GALNTL5: variants seen among roughly 807,000 people sequenced by gnomAD.
GALNTL5 encodes polypeptide N-acetylgalactosaminyltransferase like 5.
Under a neutral mutation model 51.0 loss-of-function variants are expected in GALNTL5, and 44 were observed. That is an observed-to-expected ratio of 0.86 (90% CI 0.68 to 1.11). The LOEUF (loss-of-function observed/expected upper bound fraction) is 1.11, where lower values mean the gene tolerates loss of function less well. GALNTL5 is among the 50% of genes least tolerant of loss of function. The probability of loss-of-function intolerance (pLI) is 0.00; values close to 1 mark genes in which losing one functional copy is unlikely to be tolerated. For missense variants in GALNTL5, 528 were observed against 531.8 expected (o/e 0.99, Z 0.07); for synonymous variants, 192 against 182.8 (o/e 1.05, Z -0.41).
intron 8 of GALNTL5, among the ~76,000 whole-genome samples, chr7:152,018,912 A>G (rs896295589): frequency 1.3e-5 from 2 of 152,208 alleles, no homozygotes; most frequent in African/African-American, 4.8e-5. Context: ...GGCCTGGGAA[A>G]ACACAGATGA....
intron 8 of GALNTL5, among the ~76,000 whole-genome samples, chr7:152,016,837 C>A (rs1350096429): frequency 6.6e-6 from 1 of 151,900 alleles, no homozygotes; most frequent in Non-Finnish European, 1.5e-5. Context: ...GAGTTCAAGA[C>A]CAGCCTGGCC....
At chr7:152,003,180 A>G (rs949736635) in intron 6 of GALNTL5, among the ~76,000 whole-genome samples, 2 of 152,234 alleles carry the variant, frequency 1.3e-5, no homozygotes. Context: ...CATATCATCT[A>G]TAACTCTTTG....
intron 3 of GALNTL5, among the ~76,000 whole-genome samples, chr7:151,974,539 T>C (rs1365482656): frequency 6.6e-6 from 1 of 152,204 alleles, no homozygotes; most frequent in East Asian, 1.9e-4. Context: ...GCCACAAATA[T>C]CACTCATGAT....
intron 1 of GALNTL5, among the ~76,000 whole-genome samples, chr7:151,966,094 A>G (rs1357303157): frequency 6.6e-6 from 1 of 152,050 alleles, no homozygotes; most frequent in Non-Finnish European, 1.5e-5. Context: ...TGTTTTCCAA[A>G]TTTATATCAC....
At chr7:151,979,004 C>A (rs749986309) in intron 3 of GALNTL5, among the ~76,000 whole-genome samples, 1 of 151,866 alleles carries the variant, frequency 6.6e-6, no homozygotes, top group Non-Finnish European at 1.5e-5. Context: ...CTGCTTTGTA[C>A]TGAACTATTA....
rs200334861 is a variant in GALNTL5 at position 152,004,825 on chromosome 7, TACC to T, written c.908+1865_908+1867del. On this transcript the variant is annotated intron_variant, in intron 6 of 8. Coordinates refer to ENST00000392800, the MANE Select transcript of GALNTL5 (RefSeq NM_145292.4). ...TGAATAGTATTCCATTGTGTATATATACCACATTTTCTTTATCCAGTCTTCCAC... is the reference window on the plus strand; with the variant it reads ...TGAATAGTATTCCATTGTGTATATATACATTTTCTTTATCCAGTCTTCCAC... Among the ~76,000 whole-genome samples the T allele has an allele frequency of 8.6e-3, 1,317 of 152,354 alleles. 14 individuals carry two copies. Among genetic ancestry groups the T allele is most frequent in the African/African-American group, 0.03 (1,256 of 41,582 alleles).
intron 8 of GALNTL5, among the ~76,000 whole-genome samples, chr7:152,015,299 C>T (rs768270293): frequency 6.6e-6 from 1 of 151,836 alleles, no homozygotes. Context: ...TTCCCACCTC[C>T]AGGGAATTGT....
intron 1 of GALNTL5, chr7:151,960,407 T>TGGCTTA (rs2080977051): frequency 6.6e-6 from 1 of 152,164 alleles, no homozygotes; most frequent in Non-Finnish European, 1.5e-5. Flanking sequence ...GCCTGGAGGG[T>TGGCTTA]GGCTTAGCCC....
At chr7:151,957,403 G>T (rs1267975544) in intron 1 of GALNTL5, among the ~76,000 whole-genome samples, 1 of 148,250 alleles carries the variant, frequency 6.7e-6, no homozygotes, top group Non-Finnish European at 1.5e-5. Context: ...AAAAAAAACA[G>T]GCGTGGTGGC....
intron 7 of GALNTL5, among the ~76,000 whole-genome samples, chr7:152,012,931 C>A (rs1223912076): frequency 6.6e-6 from 1 of 151,922 alleles, no homozygotes; most frequent in East Asian, 1.9e-4. Context: ...GAGCAAGACT[C>A]AGTCTCAAAA....
At chr7:151,958,704 G>A (rs1299909410) in intron 1 of GALNTL5, among the ~76,000 whole-genome samples, 1 of 152,208 alleles carries the variant, frequency 6.6e-6, no homozygotes, top group Non-Finnish European at 1.5e-5. Flanking sequence ...CTGGCAGAAG[G>A]TGGGAAGGTT....
At chr7:151,999,636 C>T (rs1017670142) in intron 5 of GALNTL5, among the ~76,000 whole-genome samples, 1 of 152,080 alleles carries the variant, frequency 6.6e-6, no homozygotes, top group Non-Finnish European at 1.5e-5. Context: ...TGCTTGCTAG[C>T]CATTCGTACA....
At chr7:151,991,639 T>C (rs916573843) in intron 5 of GALNTL5, among the ~76,000 whole-genome samples, 1 of 152,218 alleles carries the variant, frequency 6.6e-6, no homozygotes, top group Non-Finnish European at 1.5e-5. Context: ...CCAGCATCTC[T>C]CTTCTGCTCT....
chr7:151,963,649 C>T (rs1220403542), intron 1 of GALNTL5, among the ~76,000 whole-genome samples: 6 of 152,148 alleles, frequency 3.9e-5, no homozygotes, highest in South Asian at 2.1e-4. Flanking sequence ...CCGCCCACCT[C>T]GGCCTCTGGA....
intron 5 of GALNTL5, among the ~76,000 whole-genome samples, chr7:151,996,115 T>C (rs1276311196): frequency 2.0e-5 from 3 of 152,240 alleles, no homozygotes; most frequent in African/African-American, 7.2e-5. Context: ...GAAATGCTTA[T>C]GTATTTTACA....
chr7:152,008,788 C>T (rs936355275), intron 7 of GALNTL5, among the ~76,000 whole-genome samples: 4 of 151,888 alleles, frequency 2.6e-5, no homozygotes, highest in African/African-American at 7.3e-5. Flanking sequence ...TCCCTTTGGA[C>T]GTAGGCATTA....
In GALNTL5 at chr7:152,012,350, A is replaced by G. The variant is rs185342721; in HGVS notation, c.1027-2294A>G. ...TGAGTAAATAAAACTGGTGTTAGCC[A>G]GTCAGAATGGCTATTACTAAAAAGT... is the stretch of plus-strand genomic sequence containing the variant. On this transcript the variant is annotated intron_variant, in intron 7 of 8. Coordinates refer to ENST00000392800, the MANE Select transcript of GALNTL5 (RefSeq NM_145292.4). 4.9e-4 allele frequency among the ~76,000 whole-genome samples: 74 copies of G among 152,328 alleles called. No homozygotes were observed. The East Asian group carries it at 8.3e-3, about 17-fold the overall frequency.
chr7:152,007,818 C>T lies in GALNTL5; in HGVS notation c.909-9C>T. ...TGAAATTAATTTCATATTTATGTCCCCTTTCTAGGTCACCTGCAATGTCTG... is the reference window on the plus strand; with the variant it reads ...TGAAATTAATTTCATATTTATGTCCTCTTTCTAGGTCACCTGCAATGTCTG... On this transcript the variant is annotated splice_polypyrimidine_tract_variant and intron_variant, in intron 6 of 8. Coordinates refer to ENST00000392800, the MANE Select transcript of GALNTL5 (RefSeq NM_145292.4). 6.9e-7 allele frequency: 1 copy of T among 1,444,826 alleles called. No individual in the cohort carries two copies. The highest frequency in any genetic ancestry group is 1.4e-5 in the African/African-American group (1 of 71,542). 89.5% of individuals were successfully genotyped at this position (1,444,826 alleles called of 1,614,324 possible).
intron 1 of GALNTL5, among the ~76,000 whole-genome samples, chr7:151,962,022 A>C (rs78312305): frequency 2.0e-5 from 2 of 97,568 alleles, no homozygotes; most frequent in South Asian, 3.5e-4. Flanking sequence ...TTTTTTTTTA[A>C]TGGAGTCTCT....
Sources: gnomAD v4.1 joint callset for allele counts (sites outside exome capture counted in the v4.1 genomes callset) on GRCh38, gnomAD v4.1.1 for gene constraint, MANE v1.5 for transcripts, NCBI Gene and HGNC (gene_info 2026-07-23, HGNC 2026-07-21) for gene names.